NTM: variants seen among roughly 807,000 people sequenced by gnomAD.
NTM encodes the protein IgLON family member 2.
A neutral mutation model predicts 42.1 loss-of-function variants in NTM; 13 were observed. The observed-to-expected ratio is 0.31, with a 90% confidence interval of 0.20 to 0.49. The LOEUF is 0.49. Among genes scored for constraint, NTM ranks in the 20% least tolerant of loss-of-function variants. The pLI is 0.99. For synonymous variants in NTM, 187 were observed against 179.2 expected, an observed-to-expected ratio of 1.04 and a Z score of -0.35; for missense variants, 373 against 452.8, an observed-to-expected ratio of 0.82 and a Z score of 1.60.
In NTM at chr11:131,924,318, G is replaced by A. The variant is rs538267802; in HGVS notation, c.167+12670G>A. On this transcript the variant is annotated intron_variant, in intron 2 of 8. Coordinates refer to ENST00000683400, the MANE Select transcript of NTM (RefSeq NM_001352005.2). ...GCTCTGTCCCAACGCATCATGTGGG[G>A]CTACTAAGAAAATGAGCATTCCCAG... 2.0e-5 allele frequency among the ~76,000 whole-genome samples: 3 copies of A among 152,294 alleles called. No homozygotes were observed. In the South Asian group the frequency reaches 6.2e-4, roughly 32 times the overall value.
chr11:131,563,467 T>C (rs36122066), intron 1 of NTM, among the ~76,000 whole-genome samples: 26,552 of 152,084 alleles, frequency 0.17, 2,518 homozygotes, highest in Non-Finnish European at 0.21. Flanking sequence ...GGCTCGTCCC[T>C]GCTCCCCTTT....
intron 1 of NTM, among the ~76,000 whole-genome samples, chr11:131,713,397 C>G (rs1226345793): frequency 6.6e-6 from 1 of 152,128 alleles, no homozygotes; most frequent in Non-Finnish European, 1.5e-5. Flanking sequence ...TAGTCTGTCT[C>G]AATTTATCCT....
intron 1 of NTM, among the ~76,000 whole-genome samples, chr11:131,598,767 T>TTCTTTC (rs1565685740): frequency 2.8e-4 from 8 of 28,106 alleles, no homozygotes; most frequent in East Asian, 7.9e-4. Flanking sequence ...TCTTTCTTTT[T>TTCTTTC]TTCTTTCTTT....
intron 2 of NTM, among the ~76,000 whole-genome samples, chr11:131,958,352 G>A (rs1442767613): frequency 1.3e-5 from 2 of 152,148 alleles, no homozygotes; most frequent in African/African-American, 4.8e-5. Flanking sequence ...ACAGAGTGAA[G>A]AGGTACCCCA....
At chr11:131,767,165 T>C (rs1158252361) in intron 1 of NTM, 1 of 963,738 alleles carries the variant, frequency 1.0e-6, no homozygotes, top group Non-Finnish European at 1.2e-6. Context: ...ATTTACTAAA[T>C]TCTCAAAGAC....
intron 1 of NTM, among the ~76,000 whole-genome samples, chr11:131,626,878 C>T (rs900197115): frequency 1.3e-5 from 2 of 152,132 alleles, no homozygotes; most frequent in African/African-American, 4.8e-5. Context: ...CCTTGTTCCC[C>T]GAATTGCTTC....
intron 6 of NTM, among the ~76,000 whole-genome samples, chr11:132,310,701 G>C (rs2095254625): frequency 6.6e-6 from 1 of 152,098 alleles, no homozygotes; most frequent in Non-Finnish European, 1.5e-5. Flanking sequence ...GTGTATAAGA[G>C]TCCATGACCC....
intron 3 of NTM, among the ~76,000 whole-genome samples, chr11:132,195,564 A>T (rs1291857128): frequency 1.3e-5 from 2 of 152,188 alleles, no homozygotes; most frequent in Non-Finnish European, 2.9e-5. Flanking sequence ...CTATACTACA[A>T]GGCTACAGTA....
chr11:132,099,719 C>A (rs2061415746), intron 2 of NTM, among the ~76,000 whole-genome samples: 1 of 152,118 alleles, frequency 6.6e-6, no homozygotes, highest in Non-Finnish European at 1.5e-5. Flanking sequence ...CTTCTTGGGA[C>A]CCTGCTACTT....
chr11:132,024,910 T>C (rs187432955), intron 2 of NTM, among the ~76,000 whole-genome samples: 2 of 152,352 alleles, frequency 1.3e-5, no homozygotes, highest in Admixed American at 1.3e-4. Context: ...TGGACTAGAC[T>C]ATGCTGTGGA....
chr11:131,426,553 G>A (rs1167561973), intron 1 of NTM, among the ~76,000 whole-genome samples: 1 of 152,118 alleles, frequency 6.6e-6, no homozygotes, highest in Non-Finnish European at 1.5e-5. Context: ...AATCTCTTTG[G>A]GGACTTGGAA....
intron 1 of NTM, among the ~76,000 whole-genome samples, chr11:131,681,283 G>A (rs1254009829): frequency 1.2e-4 from 7 of 57,086 alleles, no homozygotes; most frequent in Admixed American, 2.3e-4. Flanking sequence ...CTCCCTGTGT[G>A]TGTGAGCGTG....
intron 3 of NTM, among the ~76,000 whole-genome samples, chr11:132,183,424 G>C (rs148923645): frequency 1.3e-5 from 2 of 152,084 alleles, no homozygotes; most frequent in Non-Finnish European, 1.5e-5. Flanking sequence ...GCATGATACC[G>C]GGAAGACACA....
intron 1 of NTM, among the ~76,000 whole-genome samples, chr11:131,720,774 A>C (rs1415618415): frequency 6.6e-6 from 1 of 152,188 alleles, no homozygotes; most frequent in Non-Finnish European, 1.5e-5. Context: ...ATAAGTTCTC[A>C]TTCCGTCTCT....
intron 2 of NTM, among the ~76,000 whole-genome samples, chr11:132,107,277 G>A (rs1380148186): frequency 6.8e-6 from 1 of 146,742 alleles, no homozygotes; most frequent in African/African-American, 2.5e-5. Flanking sequence ...GTAACATCTT[G>A]AAGTTTTCAT....
chr11:132,245,917 G>A (rs543407226), intron 4 of NTM, among the ~76,000 whole-genome samples: 1 of 152,262 alleles, frequency 6.6e-6, no homozygotes, highest in Admixed American at 6.5e-5. Flanking sequence ...TAGAAAGCCC[G>A]CAGGATTTGA....
chr11:132,101,500 T>G (rs562112802), intron 2 of NTM, among the ~76,000 whole-genome samples: 1 of 152,016 alleles, frequency 6.6e-6, no homozygotes, highest in African/African-American at 2.4e-5. Context: ...TGAATACCCC[T>G]TCTGTAATGT....
intron 2 of NTM, among the ~76,000 whole-genome samples, chr11:132,006,826 C>G (rs2070903570): frequency 6.6e-6 from 1 of 152,226 alleles, no homozygotes. Flanking sequence ...CCTGGGGCAC[C>G]ACTGTGGGCC....
At chr11:131,610,305 A>C (rs1440138618) in intron 1 of NTM, among the ~76,000 whole-genome samples, 1 of 152,260 alleles carries the variant, frequency 6.6e-6, no homozygotes, top group Non-Finnish European at 1.5e-5. Context: ...AAACCATGGC[A>C]GGAAACCCAG....
Sources: gnomAD v4.1 joint callset for allele counts (sites outside exome capture counted in the v4.1 genomes callset) on GRCh38, gnomAD v4.1.1 for gene constraint, MANE v1.5 for transcripts, NCBI Gene and HGNC (gene_info 2026-07-23, HGNC 2026-07-21) for gene names.